SNX24: variants seen among roughly 807,000 people sequenced by gnomAD.
SNX24 encodes the protein sorting nexin 24.
A neutral mutation model predicts 28.7 loss-of-function variants in SNX24; 22 were observed. That is an observed-to-expected ratio of 0.77 (90% CI 0.55 to 1.10). The LOEUF (loss-of-function observed/expected upper bound fraction) is 1.10. SNX24 is among the 50% of genes least tolerant of loss of function. The pLI is 0.00. For missense variants in SNX24, 221 were observed against 201.1 expected, an observed-to-expected ratio of 1.10 and a Z score of -0.60; for synonymous variants, 69 against 71.5, an observed-to-expected ratio of 0.96 and a Z score of 0.18.
chr5:122,893,088 C>T (rs983474335), intron 1 of SNX24, among the ~76,000 whole-genome samples: 1 of 151,924 alleles, frequency 6.6e-6, no homozygotes, highest in African/African-American at 2.4e-5. Context: ...AATTTACTAG[C>T]TGGCATTCTT....
chr5:122,864,720 C>T (rs1308111530), intron 1 of SNX24, among the ~76,000 whole-genome samples: 3 of 152,296 alleles, frequency 2.0e-5, no homozygotes, highest in East Asian at 1.9e-4. Context: ...GCTGATCTAT[C>T]AAGTGCGGGG....
chr5:122,911,733 T>TC lies in SNX24; in HGVS notation c.61-24997dup, dbSNP rs1255663649. On this transcript the variant is annotated intron_variant, in intron 1 of 6. Coordinates refer to ENST00000261369, the MANE Select transcript of SNX24 (RefSeq NM_014035.4). ...ACCATTTATTAAATAGGGAATCCTT[T>TC]CCCCATTGCTTGTTTTTCTCAGGTT... is the stretch of plus-strand genomic sequence containing the variant. 4.3e-3 allele frequency among the ~76,000 whole-genome samples: 454 copies of TC among 105,826 alleles called. 1 individual carries two copies. The highest frequency in any genetic ancestry group is 0.018 in the African/African-American group (433 of 24,040). The allele number at this position is 105,826 out of a possible 152,430, so 69.4% of individuals were successfully genotyped here.
At chr5:122,924,381 C>T (rs1374575144) in intron 1 of SNX24, among the ~76,000 whole-genome samples, 1 of 152,152 alleles carries the variant, frequency 6.6e-6, no homozygotes, top group Non-Finnish European at 1.5e-5. Context: ...TAACTGAGCT[C>T]CTACAGCTAG....
rs1759674345 is a variant in SNX24, at chr5:122,946,148, A to G, written c.238A>G (p.Thr80Ala). 6.3e-7 allele frequency: 1 copy of G among 1,590,168 alleles called. No homozygotes were observed. Among genetic ancestry groups the G allele is most frequent in the East Asian group, 2.2e-5 (1 of 44,650 alleles). The change falls in exon 3 of 7, where the codon ACA becomes GCA. Residue 80 changes from threonine (T) to alanine (A), a missense_variant. Physicochemically the swap from Thr to Ala is moderately conservative, Grantham distance 58. Coordinates refer to ENST00000261369, the MANE Select transcript of SNX24 (RefSeq NM_014035.4). ...VLEQRRQGLETYLQAVILENE... is the reference protein window; with the variant it reads ...VLEQRRQGLEAYLQAVILENE... ...GGAACAGCGACGACAAGGCTTGGAAACATACTTACAGGTAAGATATGTTTA... is the reference window on the plus strand; with the variant it reads ...GGAACAGCGACGACAAGGCTTGGAAGCATACTTACAGGTAAGATATGTTTA...
chr5:122,953,110 C>CT (rs35653842), intron 3 of SNX24, among the ~76,000 whole-genome samples: 7,340 of 141,430 alleles, frequency 0.052, 242 homozygotes, highest in African/African-American at 0.084. Context: ...CCTTTCCTTT[C>CT]TTTTTTTTTT....
chr5:122,848,163 C>T (rs1046629256), intron 1 of SNX24, among the ~76,000 whole-genome samples: 10 of 152,134 alleles, frequency 6.6e-5, no homozygotes, highest in African/African-American at 1.4e-4. Flanking sequence ...AGTGCAGTGG[C>T]GCAATCCTAG....
Position 123,009,101 on chromosome 5 carries a change from A to C in SNX24, c.*1352A>C. The C allele has an allele frequency of 2.3e-5, 23 of 985,636 alleles. No individual in the cohort carries two copies. The highest frequency in any genetic ancestry group is 2.8e-5 in the Non-Finnish European group (23 of 829,718). 61.1% of individuals were successfully genotyped at this position (985,636 alleles called of 1,614,324 possible). ...TGTGGGAAACAAGCAAGAACTAAAT[A>C]ATCAAATGTTGTCAACCAAAAGTAA... On this transcript the variant is annotated 3_prime_UTR_variant, in exon 7 of 7. Transcript: ENST00000261369.
At position 122,890,981 on chromosome 5, in the gene SNX24, A is replaced by G. The variant is rs938114176; in HGVS notation, c.60+45288A>G. 3 of 1,406,716 alleles carry G rather than the reference A, an allele frequency of 2.1e-6. No individual in the cohort carries two copies. The African/African-American group carries it at 4.4e-5, about 21-fold the overall frequency. 87.1% of individuals were successfully genotyped at this position (1,406,716 alleles called of 1,614,324 possible). ...AAGTAAAATTTAAATAGTATATAAG[A>G]GTATGAAGTGAAAACCCAAAGCCTC... is the stretch of plus-strand genomic sequence containing the variant. On this transcript the variant is annotated intron_variant, in intron 1 of 6. Transcript: ENST00000261369.
intron 5 of SNX24, among the ~76,000 whole-genome samples, chr5:123,015,994 C>T (rs538604687): frequency 1.2e-4 from 18 of 152,218 alleles, no homozygotes; most frequent in African/African-American, 4.3e-4. Context: ...TAGAAATTGC[C>T]ATATTTTACA....
chr5:122,877,027 T>A lies in SNX24; in HGVS notation c.60+31334T>A, dbSNP rs145361196. On this transcript the variant is annotated intron_variant, in intron 1 of 6. Transcript: ENST00000261369. ...CATTGAGGAGGTCCCTGAGGAGGAC[T>A]ACCTTTGTTCTTTGTCCTCCTGGAG... Among the ~76,000 whole-genome samples the A allele has an allele frequency of 3.3e-3, 509 of 152,310 alleles. 3 individuals carry two copies. The highest frequency in any genetic ancestry group is 0.012 in the African/African-American group (485 of 41,566).
At chr5:122,996,833 T>G (rs572430723) in intron 3 of SNX24, among the ~76,000 whole-genome samples, 23 of 152,332 alleles carry the variant, frequency 1.5e-4, no homozygotes, top group African/African-American at 5.3e-4. Context: ...GAGATAGGAT[T>G]TGATATTCAA....
At chr5:123,010,571 G>A (rs1361201104), downstream of SNX24, among the ~76,000 whole-genome samples, 1 of 152,146 alleles carries the variant, frequency 6.6e-6, no homozygotes, top group Non-Finnish European at 1.5e-5. Context: ...ACAGGCATGA[G>A]CCACCGTGCC....
chr5:122,871,894 C>G (rs556946965), intron 1 of SNX24, among the ~76,000 whole-genome samples: 1 of 152,232 alleles, frequency 6.6e-6, no homozygotes, highest in African/African-American at 2.4e-5. Flanking sequence ...CGTGACTAGT[C>G]AGGGAACTTG....
chr5:122,899,500 G>A (rs1554070836), intron 1 of SNX24, among the ~76,000 whole-genome samples: 1 of 151,882 alleles, frequency 6.6e-6, no homozygotes, highest in Non-Finnish European at 1.5e-5. Context: ...CCTCGAATTC[G>A]CAGGCTCCAT....
intron 3 of SNX24, among the ~76,000 whole-genome samples, chr5:122,963,592 GAGA>G (rs1385164837): frequency 1.3e-5 from 2 of 152,176 alleles, no homozygotes; most frequent in African/African-American, 4.8e-5. Flanking sequence ...CTTCCATTCA[GAGA>G]AGATTTTAGG....
chr5:122,915,904 C>A (rs566238274), intron 1 of SNX24, among the ~76,000 whole-genome samples: 35 of 152,354 alleles, frequency 2.3e-4, no homozygotes, highest in African/African-American at 5.8e-4. Flanking sequence ...CGTCAACTCC[C>A]CCCAGGCTTC....
At chr5:122,876,328 AT>A (rs1561535646) in intron 1 of SNX24, among the ~76,000 whole-genome samples, 3 of 152,236 alleles carry the variant, frequency 2.0e-5, no homozygotes, top group Non-Finnish European at 4.4e-5. Context: ...ATGTCAGCGT[AT>A]AAAAATGAAA....
intron 3 of SNX24, among the ~76,000 whole-genome samples, chr5:122,993,150 G>A (rs1024048203): frequency 2.0e-5 from 3 of 152,036 alleles, no homozygotes; most frequent in African/African-American, 7.2e-5. Context: ...GAGTAGTGCA[G>A]TTTTTACCAA....
At chr5:122,998,807 G>A (rs866349608) in intron 3 of SNX24, among the ~76,000 whole-genome samples, 2 of 152,224 alleles carry the variant, frequency 1.3e-5, no homozygotes, top group Middle Eastern at 3.4e-3. Flanking sequence ...TATCTACAAG[G>A]TACATAATTT....
Sources: allele counts gnomAD v4.1 joint callset (sites outside exome capture counted in the v4.1 genomes callset), GRCh38; gene constraint gnomAD v4.1.1; transcripts MANE v1.5; gene names NCBI Gene and HGNC (gene_info 2026-07-23, HGNC 2026-07-21).